SNTG1: variants seen among roughly 807,000 people sequenced by gnomAD.
The protein encoded by SNTG1 is gamma-1-syntrophin.
Under a neutral mutation model 74.7 loss-of-function variants are expected in SNTG1, and 39 were observed. That is an observed-to-expected ratio of 0.52 (90% CI 0.40 to 0.68). The LOEUF is 0.68. SNTG1 is among the 30% of genes least tolerant of loss of function. SNTG1 has a pLI of 0.00. For synonymous variants in SNTG1, 254 were observed against 217.1 expected (o/e 1.17, Z -1.49); for missense variants, 685 against 609.5 (o/e 1.12, Z -1.30).
intron 4 of SNTG1, among the ~76,000 whole-genome samples, chr8:50,424,164 A>C (rs2093132325): frequency 6.6e-6 from 1 of 152,154 alleles, no homozygotes; most frequent in Non-Finnish European, 1.5e-5. Context: ...GAGGCATTGC[A>C]CTGCAAATGA....
chr8:50,174,931 A>T (rs1010524293), intron 2 of SNTG1, among the ~76,000 whole-genome samples: 3 of 133,778 alleles, frequency 2.2e-5, no homozygotes, highest in Admixed American at 9.2e-5. Flanking sequence ...CTCATTGTTC[A>T]GTTTCCACCT....
chr8:50,284,415 G>A (rs2088646449), intron 2 of SNTG1, among the ~76,000 whole-genome samples: 1 of 151,988 alleles, frequency 6.6e-6, no homozygotes, highest in Non-Finnish European at 1.5e-5. Context: ...CATTGTTGAG[G>A]CTCATGATGC....
rs533051355 is a variant in SNTG1, at chr8:50,410,895, A to T, written c.162+8551A>T. On this transcript the variant is annotated intron_variant, in intron 4 of 18. Transcript: ENST00000642720. The stretch of plus-strand genomic sequence containing the variant: ...AACTGTGTATATATATGCTTTATCC[A>T]TTCATCTGTTGATAGACACTTAGGT... Among the ~76,000 whole-genome samples, 389 of 152,266 alleles carry T rather than the reference A, an allele frequency of 2.6e-3. 2 individuals carry two copies. Among genetic ancestry groups the T allele is most frequent in the African/African-American group, 9.0e-3 (372 of 41,546 alleles).
chr8:50,308,012 G>A (rs2089968899), intron 2 of SNTG1, among the ~76,000 whole-genome samples: 1 of 151,790 alleles, frequency 6.6e-6, no homozygotes, highest in Admixed American at 6.6e-5. Context: ...TGTTGCTAGA[G>A]GTTTCTCTCA....
intron 2 of SNTG1, among the ~76,000 whole-genome samples, chr8:50,377,525 T>C (rs1180937035): frequency 2.0e-5 from 3 of 152,204 alleles, no homozygotes; most frequent in African/African-American, 4.8e-5. Flanking sequence ...AATGTATTCA[T>C]GAATTTTCAG....
intron 2 of SNTG1, among the ~76,000 whole-genome samples, chr8:50,383,110 C>A (rs2092516568): frequency 6.6e-6 from 1 of 152,210 alleles, no homozygotes; most frequent in African/African-American, 2.4e-5. Flanking sequence ...GGCACCATAA[C>A]CTATTCAAGT....
intron 16 of SNTG1, among the ~76,000 whole-genome samples, chr8:50,706,622 A>G (rs1239420398): frequency 6.6e-6 from 1 of 152,160 alleles, no homozygotes; most frequent in East Asian, 1.9e-4. Context: ...TCACAATGCC[A>G]GTGTAAGATA....
At chr8:50,434,198 T>A (rs1048178976) in intron 4 of SNTG1, among the ~76,000 whole-genome samples, 3 of 152,108 alleles carry the variant, frequency 2.0e-5, no homozygotes, top group African/African-American at 7.2e-5. Context: ...CTTTATCCAT[T>A]TCCCTACAAA....
Position 50,574,955 on chromosome 8 carries a change from A to G in SNTG1, c.811-15924A>G, listed in dbSNP as rs78662847. ...TATTTGGCCCTTATTGGTTAAGATCACATTAATGGTTTTAATCTATTGATG... is the reference window on the plus strand; with the variant it reads ...TATTTGGCCCTTATTGGTTAAGATCGCATTAATGGTTTTAATCTATTGATG... On this transcript the variant is annotated intron_variant, in intron 12 of 18. Coordinates refer to ENST00000642720, the MANE Select transcript of SNTG1 (RefSeq NM_018967.5). 1.4e-3 allele frequency among the ~76,000 whole-genome samples: 220 copies of G among 152,346 alleles called. 2 individuals carry two copies. The highest frequency in any genetic ancestry group is 5.0e-3 in the African/African-American group (206 of 41,590).
intron 15 of SNTG1, among the ~76,000 whole-genome samples, chr8:50,669,257 G>GT (rs2095266327): frequency 6.6e-6 from 1 of 151,870 alleles, no homozygotes; most frequent in Non-Finnish European, 1.5e-5. Context: ...CCAGGAGATG[G>GT]TTTTTTCAAA....
chr8:50,465,742 G>A (rs551582166), intron 8 of SNTG1, among the ~76,000 whole-genome samples: 1 of 152,198 alleles, frequency 6.6e-6, no homozygotes, highest in Non-Finnish European at 1.5e-5. Context: ...TTAGCAAGGT[G>A]CATTTAAGAT....
At chr8:50,555,544 T>C (rs529577306) in intron 12 of SNTG1, among the ~76,000 whole-genome samples, 1 of 151,872 alleles carries the variant, frequency 6.6e-6, no homozygotes, top group South Asian at 2.1e-4. Context: ...TCTACTTCTC[T>C]TATTTTTTAA....
intron 1 of SNTG1, among the ~76,000 whole-genome samples, chr8:50,065,127 T>TG (rs1401856616): frequency 1.4e-4 from 22 of 152,318 alleles, no homozygotes; most frequent in African/African-American, 5.3e-4. Flanking sequence ...CAGCTTAAAA[T>TG]AGTTATTCAA....
In SNTG1 at chr8:49,980,667, G is replaced by T. The variant is rs543026792; in HGVS notation, c.-103+68436G>T. Among the ~76,000 whole-genome samples the T allele has an allele frequency of 1.2e-3, 178 of 150,732 alleles. 2 individuals are homozygous for T. Among genetic ancestry groups the T allele is most frequent in the African/African-American group, 4.1e-3 (170 of 41,074 alleles). On this transcript the variant is annotated intron_variant, in intron 1 of 18. Coordinates refer to ENST00000642720, the MANE Select transcript of SNTG1 (RefSeq NM_018967.5). Reference sequence around the variant, plus strand: ...TTTTTTTAATAAAATAAAATAAATTGTACTTTTATATTATACATTATAATT... The same window carrying T: ...TTTTTTTAATAAAATAAAATAAATTTTACTTTTATATTATACATTATAATT...
chr8:49,953,859 C>T (rs1320063419), intron 1 of SNTG1, among the ~76,000 whole-genome samples: 2 of 152,170 alleles, frequency 1.3e-5, no homozygotes, highest in Non-Finnish European at 2.9e-5. Flanking sequence ...GGTACTATTT[C>T]AGCTCTGCAG....
chr8:50,398,456 T>C (rs551031472), intron 3 of SNTG1, among the ~76,000 whole-genome samples: 1 of 152,364 alleles, frequency 6.6e-6, no homozygotes, highest in Admixed American at 6.5e-5. Context: ...TGTTCCCTCT[T>C]GATTAAAATG....
chr8:49,959,483 C>A (rs542824744), intron 1 of SNTG1, among the ~76,000 whole-genome samples: 37 of 152,334 alleles, frequency 2.4e-4, no homozygotes, highest in Non-Finnish European at 4.3e-4. Context: ...AGACACTAAT[C>A]TGCTTTCTGT....
At chr8:50,141,167 T>A (rs530584594) in intron 1 of SNTG1, among the ~76,000 whole-genome samples, 3 of 152,226 alleles carry the variant, frequency 2.0e-5, no homozygotes, top group East Asian at 3.9e-4. Context: ...GGTCTTCCTA[T>A]GAATGTCTCT....
At chr8:50,135,342 A>G (rs964544819) in intron 1 of SNTG1, among the ~76,000 whole-genome samples, 1 of 152,222 alleles carries the variant, frequency 6.6e-6, no homozygotes, top group Non-Finnish European at 1.5e-5. Context: ...GACAAATCAA[A>G]AAGTAAAATA....
Sources: gnomAD v4.1 joint callset for allele counts (sites outside exome capture counted in the v4.1 genomes callset) on GRCh38, gnomAD v4.1.1 for gene constraint, MANE v1.5 for transcripts, NCBI Gene and HGNC (gene_info 2026-07-23, HGNC 2026-07-21) for gene names.